Variants in IGF2BP2 observed in about 807,000 individuals in gnomAD.
The protein encoded by IGF2BP2 is insulin-like growth factor 2 mRNA-binding protein 2.
A neutral mutation model predicts 75.8 loss-of-function variants in IGF2BP2; 17 were observed. The ratio of observed to expected loss-of-function variants is 0.22; its 90% CI spans 0.15 to 0.34. The LOEUF (loss-of-function observed/expected upper bound fraction) is 0.34. IGF2BP2 is among the 10% of genes least tolerant of loss of function. The pLI, the probability that IGF2BP2 is intolerant of heterozygous loss-of-function variation, is 1.00. For missense variants in IGF2BP2, 516 were observed against 772.4 expected, an observed-to-expected ratio of 0.67 and a Z score of 3.93; for synonymous variants, 288 against 295.6, an observed-to-expected ratio of 0.97 and a Z score of 0.26.
At chr3:185,769,512 C>T (rs186889946) in intron 2 of IGF2BP2, among the ~76,000 whole-genome samples, 2 of 152,078 alleles carry the variant, frequency 1.3e-5, no homozygotes, top group African/African-American at 4.8e-5. Flanking sequence ...CTCTCAAGTG[C>T]ATTTTACAGA....
chr3:185,805,929 C>G (rs990587595), intron 2 of IGF2BP2, among the ~76,000 whole-genome samples: 4 of 151,970 alleles, frequency 2.6e-5, no homozygotes, highest in East Asian at 1.9e-4. Flanking sequence ...CACCACCCCC[C>G]ACCCCCAGCT....
chr3:185,809,785 ATAAAAG>A lies in IGF2BP2; in HGVS notation c.239+13362_239+13367del, dbSNP rs543232835. 3.7e-3 allele frequency among the ~76,000 whole-genome samples: 571 copies of A among 152,336 alleles called. 5 individuals are homozygous for A. Among genetic ancestry groups the A allele is most frequent in the Non-Finnish European group, 5.9e-3 (403 of 68,026 alleles). ...AAATAAGAGGAAAAGGGAAGAAGAA[ATAAAAG>A]TAAATTTTTATTGATATTACAGCTT... On this transcript the variant is annotated intron_variant, in intron 2 of 15. Transcript: ENST00000382199.
At chr3:185,722,098 T>C (rs943954407) in intron 2 of IGF2BP2, 155 of 351,968 alleles carry the variant, frequency 4.4e-4, no homozygotes, top group African/African-American at 3.4e-3. Flanking sequence ...CTGATTTTTT[T>C]TTTCTTTTTT....
intron 2 of IGF2BP2, among the ~76,000 whole-genome samples, chr3:185,720,165 T>C (rs908290192): frequency 6.6e-6 from 1 of 152,146 alleles, no homozygotes; most frequent in African/African-American, 2.4e-5. Flanking sequence ...TCTCTGGCCG[T>C]GGTCTATAAG....
At chr3:185,788,883 G>A (rs1736251277) in intron 2 of IGF2BP2, among the ~76,000 whole-genome samples, 1 of 151,718 alleles carries the variant, frequency 6.6e-6, no homozygotes, top group African/African-American at 2.4e-5. Flanking sequence ...AGCTAATTTT[G>A]GTATTTTTAG....
At chr3:185,742,575 C>T (rs895796126) in intron 2 of IGF2BP2, among the ~76,000 whole-genome samples, 19 of 151,456 alleles carry the variant, frequency 1.3e-4, no homozygotes, top group Admixed American at 2.6e-4. Flanking sequence ...GAGGATCACT[C>T]GAGCCCAGGA....
At chr3:185,747,629 A>G (rs561739447) in intron 2 of IGF2BP2, among the ~76,000 whole-genome samples, 1 of 152,130 alleles carries the variant, frequency 6.6e-6, no homozygotes, top group South Asian at 2.1e-4. Flanking sequence ...CAGTGAGCTA[A>G]GATCACACCA....
intron 2 of IGF2BP2, among the ~76,000 whole-genome samples, chr3:185,705,909 T>C (rs1045283381): frequency 5.9e-5 from 9 of 152,222 alleles, no homozygotes; most frequent in African/African-American, 2.2e-4. Flanking sequence ...ACATAAGAAT[T>C]TGGGGGAGAC....
intron 2 of IGF2BP2, among the ~76,000 whole-genome samples, chr3:185,713,076 G>A (rs1430666413): frequency 1.6e-5 from 2 of 127,754 alleles, no homozygotes; most frequent in African/African-American, 2.8e-5. Flanking sequence ...AGATATGTAT[G>A]TGTGTGTGTG....
intron 2 of IGF2BP2, among the ~76,000 whole-genome samples, chr3:185,787,471 G>T (rs1346085055): frequency 6.6e-6 from 1 of 152,180 alleles, no homozygotes; most frequent in Non-Finnish European, 1.5e-5. Context: ...GGCGGCTCAC[G>T]CCTGTAATCC....
At chr3:185,651,842 G>A (rs1279411079) in intron 13 of IGF2BP2, among the ~76,000 whole-genome samples, 1 of 152,200 alleles carries the variant, frequency 6.6e-6, no homozygotes, top group Admixed American at 6.5e-5. Context: ...AGAGGTGCCA[G>A]AGCAGGGGCC....
intron 2 of IGF2BP2, among the ~76,000 whole-genome samples, chr3:185,780,254 G>A (rs1735035768): frequency 6.6e-6 from 1 of 152,190 alleles, no homozygotes; most frequent in South Asian, 2.1e-4. Context: ...GGTTACAACT[G>A]GGAAAGGAGG....
chr3:185,665,217 A>AGAGGAG (rs1165939543), intron 10 of IGF2BP2, among the ~76,000 whole-genome samples: 130 of 135,544 alleles, frequency 9.6e-4, no homozygotes, highest in East Asian at 6.2e-3. Context: ...AGGAGAAGGA[A>AGAGGAG]GAGGAGGAGG....
chr3:185,793,929 C>T (rs1459452345), intron 2 of IGF2BP2, among the ~76,000 whole-genome samples: 1 of 150,900 alleles, frequency 6.6e-6, no homozygotes, highest in Non-Finnish European at 1.5e-5. Flanking sequence ...CAAACATGCC[C>T]CAGATAAGGA....
At chr3:185,818,716 C>G (rs530682839) in intron 2 of IGF2BP2, among the ~76,000 whole-genome samples, 84 of 152,286 alleles carry the variant, frequency 5.5e-4, no homozygotes, top group African/African-American at 1.9e-3. Flanking sequence ...GATTCAGCTA[C>G]AGACAGCAAA....
At chr3:185,747,853 T>TCCA (rs1730460224) in intron 2 of IGF2BP2, among the ~76,000 whole-genome samples, 3 of 60,054 alleles carry the variant, frequency 5.0e-5, no homozygotes, top group African/African-American at 3.3e-4. Flanking sequence ...ACTCCAATTT[T>TCCA]ATTTTATTTT....
chr3:185,703,259 T>C (rs1176959473), intron 2 of IGF2BP2, among the ~76,000 whole-genome samples: 1 of 152,248 alleles, frequency 6.6e-6, no homozygotes, highest in Non-Finnish European at 1.5e-5. Flanking sequence ...TGCCTCAGCA[T>C]ACATTTTATA....
At chr3:185,656,653 G>A (rs1715481254) in intron 12 of IGF2BP2, among the ~76,000 whole-genome samples, 1 of 152,236 alleles carries the variant, frequency 6.6e-6, no homozygotes, top group African/African-American at 2.4e-5. Flanking sequence ...TGGTCTTGGA[G>A]CAGGACCAGG....
intron 2 of IGF2BP2, among the ~76,000 whole-genome samples, chr3:185,725,372 T>G (rs1243052569): frequency 6.6e-6 from 1 of 152,208 alleles, no homozygotes; most frequent in East Asian, 1.9e-4. Context: ...GGGCTGAGGT[T>G]GTCGGCAGGG....
Sources: allele counts gnomAD v4.1 joint callset (sites outside exome capture counted in the v4.1 genomes callset), GRCh38; gene constraint gnomAD v4.1.1; transcripts MANE v1.5; gene names NCBI Gene and HGNC (gene_info 2026-07-23, HGNC 2026-07-21).